Variants in RBPJ observed in about 807,000 individuals in gnomAD.
RBPJ encodes the protein recombination signal binding protein for immunoglobulin kappa J region, also known as recombining binding protein suppressor of hairless.
A neutral mutation model predicts 67.8 loss-of-function variants in RBPJ; 9 were observed. The ratio of observed to expected loss-of-function variants is 0.13; its 90% CI spans 0.08 to 0.23. RBPJ has a LOEUF of 0.23. Among genes scored for constraint, RBPJ ranks in the 10% least tolerant of loss-of-function variants. The pLI, the probability that RBPJ is intolerant of heterozygous loss-of-function variation, is 1.00. For missense variants in RBPJ, 305 were observed against 595.6 expected, an observed-to-expected ratio of 0.51 and a Z score of 5.08; for synonymous variants, 198 against 203.3, an observed-to-expected ratio of 0.97 and a Z score of 0.22.
the RBPJ span, among the ~76,000 whole-genome samples, chr4:26,158,040 TA>T: frequency 6.6e-6 from 1 of 152,252 alleles, no homozygotes; most frequent in East Asian, 1.9e-4. Context: ...CATGAGCAAG[TA>T]AAATGGTTGT....
At chr4:26,212,306 C>T (rs1388090390) in intron 1 of RBPJ, among the ~76,000 whole-genome samples, 1 of 152,022 alleles carries the variant, frequency 6.6e-6, no homozygotes, top group Non-Finnish European at 1.5e-5. Context: ...TGGTTCCTGG[C>T]TCATAACTTC....
the RBPJ span, among the ~76,000 whole-genome samples, chr4:26,147,652 G>T: frequency 2.0e-5 from 3 of 152,030 alleles, no homozygotes; most frequent in African/African-American, 7.2e-5. Context: ...ACAGTGTCTC[G>T]CTCTGTCGCA....
In RBPJ at chr4:26,406,287, G is replaced by A; in HGVS notation, c.155+17G>A. ...TGAAAAAAGGTAAGATTATTTTTCT[G>A]GTGGATAGTTAATTGTAGTTACCAC... is the stretch of plus-strand genomic sequence containing the variant. On this transcript the variant is annotated intron_variant, in intron 3 of 10. Coordinates refer to ENST00000355476, the MANE Select transcript of RBPJ (RefSeq NM_015874.6). 6.7e-7 allele frequency: 1 copy of A among 1,502,534 alleles called. No individual in the cohort carries two copies. The highest frequency in any genetic ancestry group is 1.1e-5 in the South Asian group (1 of 88,602). 93.1% of individuals were successfully genotyped at this position (1,502,534 alleles called of 1,614,324 possible).
the RBPJ span, among the ~76,000 whole-genome samples, chr4:26,138,951 G>A: frequency 1.3e-5 from 2 of 152,262 alleles, no homozygotes; most frequent in Non-Finnish European, 2.9e-5. Flanking sequence ...AGATTGCTCT[G>A]CGCTCAAGAG....
intron 1 of RBPJ, among the ~76,000 whole-genome samples, chr4:26,255,541 G>A (rs1326991058): frequency 2.0e-5 from 3 of 151,370 alleles, no homozygotes; most frequent in African/African-American, 4.9e-5. Flanking sequence ...GGTGGCTCAA[G>A]CCTGTAATCC....
At chr4:26,145,814 A>T in the RBPJ span, among the ~76,000 whole-genome samples, 1 of 152,254 alleles carries the variant, frequency 6.6e-6, no homozygotes, top group Admixed American at 6.5e-5. Context: ...TATGAGTCAA[A>T]ATAAATTTCA....
At chr4:26,120,311 G>C in the RBPJ span, among the ~76,000 whole-genome samples, 5 of 152,112 alleles carry the variant, frequency 3.3e-5, no homozygotes, top group Non-Finnish European at 5.9e-5. Flanking sequence ...TTCAACTGAT[G>C]TTGACTTTCT....
chr4:26,165,573 G>A (rs10939097), intron 1 of RBPJ, among the ~76,000 whole-genome samples: 48,147 of 151,934 alleles, frequency 0.32, 8,848 homozygotes, highest in East Asian at 0.49. Flanking sequence ...AAGGGGGAGG[G>A]AAACTAGAAT....
At chr4:26,127,516 G>A in the RBPJ span, among the ~76,000 whole-genome samples, 1 of 152,196 alleles carries the variant, frequency 6.6e-6, no homozygotes, top group Non-Finnish European at 1.5e-5. Flanking sequence ...AGGCATGATG[G>A]CATGTCTTGC....
intron 8 of RBPJ, among the ~76,000 whole-genome samples, chr4:26,429,642 C>A (rs1010284202): frequency 1.3e-5 from 2 of 152,148 alleles, no homozygotes; most frequent in African/African-American, 4.8e-5. Flanking sequence ...AATGGTTGTT[C>A]TGAAAGGTAT....
chr4:26,164,864 C>A (rs1250042779), intron 1 of RBPJ, among the ~76,000 whole-genome samples: 2 of 152,072 alleles, frequency 1.3e-5, no homozygotes, highest in Non-Finnish European at 2.9e-5. Context: ...GTTTTGTAGA[C>A]CACCAGAAGT....
chr4:26,294,750 T>A (rs1026194293), intron 1 of RBPJ, among the ~76,000 whole-genome samples: 2 of 151,692 alleles, frequency 1.3e-5, no homozygotes, highest in African/African-American at 4.8e-5. Flanking sequence ...GGCATGGTGG[T>A]GTGTGCCTGT....
Position 26,373,990 on chromosome 4 carries a change from CTCACT to C in RBPJ, c.21-12362_21-12358del, listed in dbSNP as rs1469841998. Among the ~76,000 whole-genome samples, 1,364 of 141,266 alleles carry C rather than the reference CTCACT, an allele frequency of 9.7e-3. 16 individuals carry two copies. The highest frequency in any genetic ancestry group is 0.034 in the African/African-American group (1,300 of 38,188). 92.7% of individuals were successfully genotyped at this position (141,266 alleles called of 152,430 possible). A position where few individuals can be genotyped will look rare whatever the true frequency, so the allele number is the denominator to read the frequency against. On this transcript the variant is annotated intron_variant, in intron 1 of 10. Transcript: ENST00000355476. The stretch of plus-strand genomic sequence containing the variant: ...CTGGAGTGCAGTGGCACGATCTTGG[CTCACT>C]GCAGCCTCCGCCTCCTGGGTTCAAG...
intron 1 of RBPJ, among the ~76,000 whole-genome samples, chr4:26,336,229 G>C (rs890026923): frequency 4.6e-5 from 7 of 152,128 alleles, no homozygotes; most frequent in Non-Finnish European, 8.8e-5. Context: ...GTTTACAATG[G>C]GGTAAATTTC....
intron 2 of RBPJ, among the ~76,000 whole-genome samples, chr4:26,388,637 C>T (rs1731171487): frequency 6.6e-6 from 1 of 151,980 alleles, no homozygotes; most frequent in Non-Finnish European, 1.5e-5. Context: ...CAAATTAAAT[C>T]TCTAAAGATG....
chr4:26,223,885 A>G (rs1718996205), intron 1 of RBPJ, among the ~76,000 whole-genome samples: 1 of 152,208 alleles, frequency 6.6e-6, no homozygotes, highest in Non-Finnish European at 1.5e-5. Flanking sequence ...TGATTGCCCA[A>G]GTTGGAATCC....
At chr4:26,186,970 C>T (rs1407961235) in intron 1 of RBPJ, among the ~76,000 whole-genome samples, 1 of 152,124 alleles carries the variant, frequency 6.6e-6, no homozygotes, top group Non-Finnish European at 1.5e-5. Context: ...CCTGTAATTT[C>T]AGCATTTGGG....
intron 1 of RBPJ, among the ~76,000 whole-genome samples, chr4:26,229,412 T>G (rs1719197017): frequency 6.6e-6 from 1 of 152,188 alleles, no homozygotes; most frequent in African/African-American, 2.4e-5. Context: ...TTTTAGCATT[T>G]TCTTCCTCCT....
At chr4:26,407,807 A>G (rs947536866) in intron 3 of RBPJ, among the ~76,000 whole-genome samples, 3 of 151,764 alleles carry the variant, frequency 2.0e-5, no homozygotes, top group Admixed American at 6.6e-5. Flanking sequence ...ATTAATTTAC[A>G]TGTTAAAAGA....
Sources: gnomAD v4.1 joint callset for allele counts (sites outside exome capture counted in the v4.1 genomes callset) on GRCh38, gnomAD v4.1.1 for gene constraint, MANE v1.5 for transcripts, NCBI Gene and HGNC (gene_info 2026-07-23, HGNC 2026-07-21) for gene names.